The following NUTM2B variants were observed in gnomAD, a reference collection of about 807,000 sequenced individuals.
NUTM2B encodes the protein family with sequence similarity 22, member B.
NUTM2B carries 2 observed loss-of-function variants against 42.4 expected under a neutral mutation model. The ratio of observed to expected loss-of-function variants is 0.05; its 90% confidence interval spans 0.02 to 0.15. NUTM2B has a LOEUF of 0.15. NUTM2B is among the 10% of genes least tolerant of loss of function. The pLI is 1.00. For missense variants in NUTM2B, 58 were observed against 952.6 expected, an observed-to-expected ratio of 0.06 and a Z score of 12.36; for synonymous variants, 18 against 402.4, an observed-to-expected ratio of 0.04 and a Z score of 11.43.
the NUTM2B span, among the ~76,000 whole-genome samples, chr10:79,694,408 AG>A: frequency 1.1e-4 from 16 of 150,622 alleles, 1 homozygote; most frequent in African/African-American, 9.7e-5. Context: ...AAAAAAAAAA[AG>A]AAAGAAAGAA....
chr10:79,696,761 T>C, the NUTM2B span, among the ~76,000 whole-genome samples: 3 of 152,232 alleles, frequency 2.0e-5, no homozygotes, highest in African/African-American at 7.2e-5. Context: ...TCACCTGATA[T>C]AGGCACTAGC....
chr10:79,696,660 G>A, the NUTM2B span, among the ~76,000 whole-genome samples: 6 of 152,264 alleles, frequency 3.9e-5, no homozygotes, highest in East Asian at 5.8e-4. Context: ...GCACAAGTGC[G>A]AAAACCCATG....
upstream of NUTM2B, among the ~76,000 whole-genome samples, chr10:79,701,099 T>C (rs1291083361): frequency 6.6e-6 from 1 of 152,140 alleles, no homozygotes; most frequent in African/African-American, 2.4e-5. Flanking sequence ...TTGCATTCCC[T>C]TTGGATGGCA....
At chr10:79,693,478 G>C in the NUTM2B span, among the ~76,000 whole-genome samples, 2 of 152,206 alleles carry the variant, frequency 1.3e-5, no homozygotes. Flanking sequence ...GGTGGTGCAG[G>C]ATACATTTCA....
At chr10:79,698,103 T>A in the NUTM2B span, among the ~76,000 whole-genome samples, 7 of 149,998 alleles carry the variant, frequency 4.7e-5, no homozygotes, top group Non-Finnish European at 8.9e-5. Flanking sequence ...ACCCCTCATA[T>A]ACACACTCAC....
chr10:79,694,792 G>A, the NUTM2B span, among the ~76,000 whole-genome samples: 1 of 152,172 alleles, frequency 6.6e-6, no homozygotes, highest in Admixed American at 6.5e-5. Flanking sequence ...CGAGTGGGAG[G>A]TCGCCCTAAC....
the NUTM2B span, among the ~76,000 whole-genome samples, chr10:79,696,222 A>G: frequency 1.3e-5 from 2 of 149,622 alleles, no homozygotes; most frequent in South Asian, 2.2e-4. Context: ...GAAAGCCTAG[A>G]ATTGTGATGC....
chr10:79,700,738 G>T (rs572248462), upstream of NUTM2B, among the ~76,000 whole-genome samples: 1 of 152,230 alleles, frequency 6.6e-6, no homozygotes, highest in Non-Finnish European at 1.5e-5. Flanking sequence ...GCCATCAACC[G>T]CCGCAACCGG....
At chr10:79,693,947 C>T in the NUTM2B span, among the ~76,000 whole-genome samples, 39,684 of 152,046 alleles carry the variant, frequency 0.26, 5,862 homozygotes, top group East Asian at 0.69. Flanking sequence ...AGGCGACTCC[C>T]GGTAAGGAGC....
chr10:79,700,633 C>A (rs1589260470), upstream of NUTM2B, among the ~76,000 whole-genome samples: 2 of 152,094 alleles, frequency 1.3e-5, no homozygotes, highest in African/African-American at 2.4e-5. Context: ...CTTCTGATCA[C>A]CCTTGGCTTT....
intron 3 of NUTM2B, among the ~76,000 whole-genome samples, chr10:79,709,119 T>TA (rs1403726901): frequency 4.0e-5 from 4 of 99,436 alleles, no homozygotes; most frequent in Non-Finnish European, 7.4e-5. Context: ...GGGTCACCTC[T>TA]AGCTGTGGGG....
At chr10:79,695,006 GA>G in the NUTM2B span, among the ~76,000 whole-genome samples, 1 of 152,176 alleles carries the variant, frequency 6.6e-6, no homozygotes, top group Non-Finnish European at 1.5e-5. Context: ...AGGCCGGAGC[GA>G]ATCTGGCTGC....
chr10:79,693,126 T>C, the NUTM2B span, among the ~76,000 whole-genome samples: 34 of 152,188 alleles, frequency 2.2e-4, no homozygotes, highest in Non-Finnish European at 4.4e-4. Context: ...TCCTAGTGTC[T>C]GCCTGGCTGG....
upstream of NUTM2B, among the ~76,000 whole-genome samples, chr10:79,699,118 A>G (rs866384466): frequency 6.6e-6 from 1 of 151,970 alleles, no homozygotes; most frequent in South Asian, 2.1e-4. Flanking sequence ...AGAAGCACGC[A>G]TCACCATGCA....
upstream of NUTM2B, among the ~76,000 whole-genome samples, chr10:79,699,978 CGT>C (rs1417534235): frequency 6.6e-6 from 1 of 152,262 alleles, no homozygotes; most frequent in Non-Finnish European, 1.5e-5. Flanking sequence ...AGATAACACA[CGT>C]GTGTGCAGTA....
At chr10:79,694,785 G>T in the NUTM2B span, among the ~76,000 whole-genome samples, 2 of 152,340 alleles carry the variant, frequency 1.3e-5, no homozygotes, top group East Asian at 3.9e-4. Context: ...GGAGATGCGA[G>T]TGGGAGGTCG....
At chr10:79,701,043 C>T (rs1419081630), upstream of NUTM2B, among the ~76,000 whole-genome samples, 3 of 152,202 alleles carry the variant, frequency 2.0e-5, no homozygotes, top group African/African-American at 7.2e-5. Flanking sequence ...AAAGGTTTAC[C>T]TTTGGAGGGT....
upstream of NUTM2B, among the ~76,000 whole-genome samples, chr10:79,702,695 G>A (rs1483744869): frequency 4.0e-5 from 6 of 149,310 alleles, no homozygotes; most frequent in Admixed American, 2.6e-4. Flanking sequence ...CTGCCCAGCA[G>A]GGAGTGACTT....
chr10:79,700,230 C>G (rs1840287630), upstream of NUTM2B, among the ~76,000 whole-genome samples: 1 of 152,004 alleles, frequency 6.6e-6, no homozygotes, highest in Non-Finnish European at 1.5e-5. Context: ...GCTGGCTGAT[C>G]ATTCTGATCA....
Sources: gnomAD v4.1 joint callset for allele counts (sites outside exome capture counted in the v4.1 genomes callset) on GRCh38, gnomAD v4.1.1 for gene constraint, MANE v1.5 for transcripts, NCBI Gene and HGNC (gene_info 2026-07-23, HGNC 2026-07-21) for gene names.